The following COL6A2 variants were observed in gnomAD, a reference collection of about 807,000 sequenced individuals.
COL6A2 encodes collagen type VI alpha 2 chain, also known as collagen alpha-2(VI) chain.
In COL6A2, 90 loss-of-function variants were observed where a neutral mutation model predicts 124.9. That is an observed-to-expected ratio of 0.72 (90% CI 0.61 to 0.86). The LOEUF (loss-of-function observed/expected upper bound fraction) is 0.86. COL6A2 is among the 40% of genes least tolerant of loss of function. The pLI is 0.00. For synonymous variants in COL6A2, 793 were observed against 618.2 expected (o/e 1.28, Z -4.19); for missense variants, 1,607 against 1,502.5 (o/e 1.07, Z -1.15).
intron 27 of COL6A2, among the ~76,000 whole-genome samples, chr21:46,130,375 C>T (rs1426244027): frequency 6.6e-6 from 1 of 152,176 alleles, no homozygotes; most frequent in Non-Finnish European, 1.5e-5. Context: ...AGGGAGCGGC[C>T]CCCACGGCGA....
intron 2 of COL6A2, 77 bp from the exon 3 acceptor site, chr21:46,111,902 A>G: frequency 6.8e-7 from 1 of 1,471,536 alleles, no homozygotes; most frequent in Non-Finnish European, 9.4e-7. Flanking sequence ...ACCCACAAAC[A>G]GGCACGGGGC....
At position 46,126,499 on chromosome 21, in the gene COL6A2, C is replaced by T. The variant is rs1354692295; in HGVS notation, c.2423-4C>T. The T allele has an allele frequency of 6.8e-6, 11 of 1,613,266 alleles. No individual in the cohort carries two copies. The highest frequency in any genetic ancestry group is 9.3e-6 in the Non-Finnish European group (11 of 1,179,688). Reference sequence around the variant, plus strand: ...CCTGGCCCGGCCTCTCTCCTCTCTTCCAGACCCTCAGATCGTGTGCCCAGA... The same window carrying T: ...CCTGGCCCGGCCTCTCTCCTCTCTTTCAGACCCTCAGATCGTGTGCCCAGA... On this transcript the variant is annotated splice_polypyrimidine_tract_variant and splice_region_variant and intron_variant, in intron 26 of 27. Coordinates refer to ENST00000300527, the MANE Select transcript of COL6A2 (RefSeq NM_001849.4).
Position 46,126,484 on chromosome 21 carries a change from C to CCCGGCCCGG in COL6A2, c.2423-18_2423-17insCGGCCCGGC, listed in dbSNP as rs757618044. 6.2e-7 allele frequency: 1 copy of CCCGGCCCGG among 1,612,988 alleles called. No individual in the cohort carries two copies. Among genetic ancestry groups the CCCGGCCCGG allele is most frequent in the Non-Finnish European group, 8.5e-7 (1 of 1,179,568 alleles). On this transcript the variant is annotated intron_variant, in intron 26 of 27. Transcript: ENST00000300527. Reference sequence around the variant, plus strand: ...AGGGACTGACCCTGGCCTGGCCCGGCCTCTCTCCTCTCTTCCAGACCCTCA... The same window carrying CCCGGCCCGG: ...AGGGACTGACCCTGGCCTGGCCCGGCCCGGCCCGGCTCTCTCCTCTCTTCCAGACCCTCA...
chr21:46,099,747 T>C (rs1601199304), intron 1 of COL6A2, among the ~76,000 whole-genome samples: 1 of 152,204 alleles, frequency 6.6e-6, no homozygotes, highest in African/African-American at 2.4e-5. Flanking sequence ...GTGGAGGCTG[T>C]AATGGGCAGG....
chr21:46,124,548 C>CGGGGGGGGG (rs2078629535), intron 21 of COL6A2, 103 bp from the exon 22 acceptor site: 2 of 1,041,072 alleles, frequency 1.9e-6, no homozygotes, highest in African/African-American at 3.2e-5. Context: ...CCCCCCCCCC[C>CGGGGGGGGG]GCCAAGGGAG....
At chr21:46,101,723 G>A (rs1217905668) in intron 1 of COL6A2, among the ~76,000 whole-genome samples, 2 of 151,726 alleles carry the variant, frequency 1.3e-5, no homozygotes, top group Non-Finnish European at 2.9e-5. Flanking sequence ...TGGACTCTCT[G>A]TTTTATTCTG....
intron 5 of COL6A2, 23 bp downstream of exon 5, chr21:46,114,096 A>T: frequency 2.5e-6 from 4 of 1,598,354 alleles, no homozygotes; most frequent in Non-Finnish European, 3.4e-6. Context: ...GATTACCTGC[A>T]GGGTCTGCGC....
rs780367499 is a variant in COL6A2, at chr21:46,122,488, CTT to C, written c.1573-7_1573-6del. The C allele has an allele frequency of 6.2e-7, 1 of 1,612,894 alleles. No homozygotes were observed. The highest frequency in any genetic ancestry group is 1.1e-5 in the South Asian group (1 of 91,080). ...GCTGAGTCACCCTGGCTTCTGTTTG[CTT>C]CACAGGGAGAAAAAGGCGAGCCCGG... On this transcript the variant is annotated splice_polypyrimidine_tract_variant and splice_region_variant and intron_variant, in intron 19 of 27. Transcript: ENST00000300527.
chr21:46,126,120 A>C lies in COL6A2; in HGVS notation c.2305A>C (p.Ser769Arg), dbSNP rs746178668. The C allele has an allele frequency of 4.3e-6, 7 of 1,612,374 alleles. No individual in the cohort carries two copies. In the South Asian group the frequency reaches 5.5e-5, roughly 13 times the overall value. The change falls in exon 26 of 28, where the codon AGT becomes CGT. Residue 769 changes from serine to arginine, a missense_variant. Ser to Arg is a moderately radical substitution (Grantham distance 110). Around this residue, in one of 3 missense-constraint regions of COL6A2, gnomAD observed 1,223 missense variants for 1,052.2 expected, o/e 1.16. Transcript: ENST00000300527. ...IGDMFHEKHE[S>R]ENLYSIACDK... is the part of the protein sequence containing the mutation. ...GGACATGTTCCACGAGAAGCACGAG[A>C]GTGAAAACCTCTACTCCATCGCCTG...
chr21:46,120,121 C>A (rs78847731), intron 15 of COL6A2, among the ~76,000 whole-genome samples: 11 of 15,606 alleles, frequency 7.0e-4, no homozygotes, highest in Admixed American at 6.3e-3. Context: ...TCACACCCCC[C>A]GGCCCCCACT....
chr21:46,099,815 C>T (rs2078268165), intron 1 of COL6A2, among the ~76,000 whole-genome samples: 1 of 150,580 alleles, frequency 6.6e-6, no homozygotes, highest in South Asian at 2.1e-4. Context: ...CATCTGGGTC[C>T]AGAGGTCAGA....
chr21:46,113,178 A>G (rs1175311296), intron 4 of COL6A2, among the ~76,000 whole-genome samples: 1 of 152,046 alleles, frequency 6.6e-6, no homozygotes, highest in East Asian at 1.9e-4. Flanking sequence ...GGTCCATGAC[A>G]TCCCCACCTC....
intron 27 of COL6A2, among the ~76,000 whole-genome samples, chr21:46,131,538 C>T (rs1018513047): frequency 2.0e-5 from 3 of 152,216 alleles, no homozygotes; most frequent in African/African-American, 4.8e-5. Context: ...AGGGGTCAGG[C>T]TGGGGGTGTC....
In COL6A2 at chr21:46,128,203, C is replaced by T. The variant is rs974963868; in HGVS notation, c.2461+1662C>T. 1.2e-4 allele frequency among the ~76,000 whole-genome samples: 18 copies of T among 152,190 alleles called. 1 individual carries two copies. The highest frequency in any genetic ancestry group is 2.0e-4 in the Admixed American group (3 of 15,290). The stretch of plus-strand genomic sequence containing the variant: ...CCACAGGGAAAGCAGCCAGGGAGGA[C>T]ACGGAGGCCCTTGAAGCTCTGGCCT... On this transcript the variant is annotated intron_variant, in intron 27 of 27. Transcript: ENST00000300527.
intron 23 of COL6A2, 59 bp from the exon 24 acceptor site, chr21:46,125,207 G>T: frequency 6.6e-7 from 1 of 1,512,528 alleles, no homozygotes. Context: ...CCAGGACCTT[G>T]CTGTGGAAAC....
Position 46,132,397 on chromosome 21 carries a change from G to C in COL6A2, c.2905G>C (p.Val969Leu), listed in dbSNP as rs763443381. 18 of 1,609,240 alleles carry C rather than the reference G, an allele frequency of 1.1e-5. No homozygotes were observed. Among genetic ancestry groups the C allele is most frequent in the Non-Finnish European group, 1.3e-5 (15 of 1,179,030 alleles). ...GGCGCACTCCATGCGCAAGCAGAAC[G>C]TGGTACCCACCGTGCTGGCCTTGGG... ...ESAHSMRKQN[V>L]VPTVLALGSD... is the part of the protein sequence containing the mutation. Residue 969 changes from valine to leucine, a missense_variant, in exon 28 of 28, where the codon GTG becomes CTG. By Grantham distance (32) the Val-to-Leu change is conservative. Coordinates refer to ENST00000300527, the MANE Select transcript of COL6A2 (RefSeq NM_001849.4).
intron 5 of COL6A2, among the ~76,000 whole-genome samples, 174 bp from the exon 6 acceptor site, chr21:46,115,698 C>T (rs1392403844): frequency 6.6e-6 from 1 of 152,180 alleles, no homozygotes; most frequent in African/African-American, 2.4e-5. Flanking sequence ...CAAAGCAAAC[C>T]CTTGTCTGAC....
At chr21:46,125,658 G>A (rs374048970) in intron 25 of COL6A2, 41 bp downstream of exon 25, 1 of 1,596,312 alleles carries the variant, frequency 6.3e-7, no homozygotes, top group African/African-American at 1.3e-5. Flanking sequence ...CGGGGGGCCG[G>A]GCGGGGCGTG....
intron 27 of COL6A2, among the ~76,000 whole-genome samples, chr21:46,130,436 GC>G (rs1366980497): frequency 6.6e-6 from 1 of 152,094 alleles, no homozygotes; most frequent in Non-Finnish European, 1.5e-5. Context: ...CTGGGCTCCT[GC>G]CGGGCACGGC....
Sources: gnomAD v4.1 joint callset for allele counts (sites outside exome capture counted in the v4.1 genomes callset) on GRCh38, gnomAD v4.1.1 for gene constraint, gnomAD v4.1.1 regional missense constraint, MANE v1.5 for transcripts, NCBI Gene and HGNC (gene_info 2026-07-23, HGNC 2026-07-21) for gene names.